PRKAR2A: variants seen among roughly 807,000 people sequenced by gnomAD.
The protein encoded by PRKAR2A is protein kinase cAMP-dependent type II regulatory subunit alpha, also known as cAMP-dependent protein kinase type II-alpha regulatory subunit.
A neutral mutation model predicts 51.9 loss-of-function variants in PRKAR2A; 29 were observed. That is an observed-to-expected ratio of 0.56 (90% confidence interval 0.42 to 0.76). The LOEUF is 0.76. Among genes scored for constraint, PRKAR2A ranks in the 30% least tolerant of loss-of-function variants. The probability of loss-of-function intolerance (pLI) is 0.00; values close to 1 mark genes in which losing one functional copy is unlikely to be tolerated. For synonymous variants in PRKAR2A, 178 were observed against 186.2 expected (o/e 0.96, Z 0.36); for missense variants, 445 against 512.1 (o/e 0.87, Z 1.26).
At chr3:48,796,763 TAC>T (rs1219041573) in intron 2 of PRKAR2A, among the ~76,000 whole-genome samples, 1 of 151,908 alleles carries the variant, frequency 6.6e-6, no homozygotes, top group Non-Finnish European at 1.5e-5. Flanking sequence ...GTGTTGAGAT[TAC>T]AGACGTGAGC....
At chr3:48,798,228 C>A (rs980195267) in intron 2 of PRKAR2A, among the ~76,000 whole-genome samples, 3 of 152,116 alleles carry the variant, frequency 2.0e-5, no homozygotes, top group African/African-American at 7.2e-5. Flanking sequence ...GCTGGGATTA[C>A]AAGTGTGAGC....
At chr3:48,844,843 G>A (rs1325875925) in intron 1 of PRKAR2A, among the ~76,000 whole-genome samples, 4 of 122,698 alleles carry the variant, frequency 3.3e-5, no homozygotes, top group South Asian at 3.2e-4. Flanking sequence ...GTTGTGGGGT[G>A]GGGGGAGGGA....
At chr3:48,788,706 C>T (rs2082334645) in intron 4 of PRKAR2A, among the ~76,000 whole-genome samples, 1 of 152,090 alleles carries the variant, frequency 6.6e-6, no homozygotes, top group Admixed American at 6.6e-5. Context: ...TCCCTCCTTC[C>T]ACCATGTGAG....
At chr3:48,836,224 C>A (rs148291057) in intron 1 of PRKAR2A, among the ~76,000 whole-genome samples, 1 of 151,034 alleles carries the variant, frequency 6.6e-6, no homozygotes, top group African/African-American at 2.4e-5. Flanking sequence ...TCAAGACCAG[C>A]CTGACCAACA....
chr3:48,773,009 G>A lies in PRKAR2A; in HGVS notation c.642C>T (p.Asn214=), dbSNP rs755276978. ...CAACAATGGTAGCAGCTCTCGGGGT[G>A]TTGTACATCAGAGCTAGTTCTCCAA... ...GSFGELALMY[N]TPRAATIVAT... The change falls in exon 6 of 11, where the codon AAC becomes AAT. Residue 214 remains asparagine, a synonymous_variant. Transcript: ENST00000265563. The A allele has an allele frequency of 3.1e-6, 5 of 1,613,944 alleles. No homozygotes were observed. In the South Asian group the frequency reaches 4.4e-5, roughly 14 times the overall value.
rs183889421 is a variant in PRKAR2A, at chr3:48,831,073, C to T, written c.262+16262G>A. 2.8e-3 allele frequency among the ~76,000 whole-genome samples: 425 copies of T among 152,230 alleles called. 3 individuals are homozygous for T. The highest frequency in any genetic ancestry group is 9.5e-3 in the African/African-American group (395 of 41,534). On this transcript the variant is annotated intron_variant, in intron 1 of 10. Coordinates refer to ENST00000265563, the MANE Select transcript of PRKAR2A (RefSeq NM_004157.4). ...GCCACAGACCAATACTGGTCCATGG[C>T]CCAGGGGGTGGGGACCCGGGATGTA...
At chr3:48,752,043 T>C in intron 10 of PRKAR2A, 133 bp downstream of exon 10, 1 of 1,012,156 alleles carries the variant, frequency 9.9e-7, no homozygotes, top group Non-Finnish European at 1.4e-6. Flanking sequence ...CATTCATCCA[T>C]CTCTGGTTGG....
At chr3:48,770,916 T>C (rs2082020113) in intron 6 of PRKAR2A, among the ~76,000 whole-genome samples, 1 of 152,200 alleles carries the variant, frequency 6.6e-6, no homozygotes, top group African/African-American at 2.4e-5. Context: ...AGACTTGGTC[T>C]TAGAGATTAT....
In PRKAR2A at chr3:48,756,214, T is replaced by C. The variant is rs74629510; in HGVS notation, c.939+165A>G. ...TATGCTAAATCTATATCTAATCTAA[T>C]CTAAATATGCTAAATCTATACTAAA... On this transcript the variant is annotated intron_variant, in intron 9 of 10. Coordinates refer to ENST00000265563, the MANE Select transcript of PRKAR2A (RefSeq NM_004157.4). Among the ~76,000 whole-genome samples the C allele has an allele frequency of 4.3e-3, 662 of 152,336 alleles. 7 individuals are homozygous for C. Among genetic ancestry groups the C allele is most frequent in the African/African-American group, 0.015 (633 of 41,576 alleles).
At chr3:48,800,667 GCTTTT>G (rs1430632035) in intron 2 of PRKAR2A, among the ~76,000 whole-genome samples, 8 of 121,042 alleles carry the variant, frequency 6.6e-5, no homozygotes, top group African/African-American at 1.9e-4. Context: ...GGAAGGCATG[GCTTTT>G]CTTTTCTTTT....
At chr3:48,781,187 T>C (rs949440257) in intron 5 of PRKAR2A, among the ~76,000 whole-genome samples, 1 of 149,636 alleles carries the variant, frequency 6.7e-6, no homozygotes, top group African/African-American at 2.5e-5. Flanking sequence ...GGTTTCACCA[T>C]GTTGGCCAGG....
intron 1 of PRKAR2A, among the ~76,000 whole-genome samples, chr3:48,844,070 T>C (rs1274371527): frequency 2.7e-5 from 4 of 150,846 alleles, no homozygotes; most frequent in Non-Finnish European, 5.9e-5. Flanking sequence ...TGGGAGAAAA[T>C]TTTCGCAACC....
At chr3:48,757,969 T>C (rs1337640155) in intron 8 of PRKAR2A, among the ~76,000 whole-genome samples, 2 of 152,056 alleles carry the variant, frequency 1.3e-5, no homozygotes, top group Non-Finnish European at 2.9e-5. Flanking sequence ...GGCAGAAGAA[T>C]AGCTTGAACC....
chr3:48,820,346 G>C (rs1476770753), intron 1 of PRKAR2A, among the ~76,000 whole-genome samples: 1 of 152,194 alleles, frequency 6.6e-6, no homozygotes, highest in Non-Finnish European at 1.5e-5. Flanking sequence ...ACAAAAAAAT[G>C]AAGAAAGCTT....
intron 1 of PRKAR2A, among the ~76,000 whole-genome samples, chr3:48,819,941 CCTTGTGGGACTTCACT>C (rs1208173935): frequency 6.6e-6 from 1 of 152,188 alleles, no homozygotes; most frequent in African/African-American, 2.4e-5. Context: ...GATGTGAAGT[CCTTGTGGGACTTCACT>C]CCCAACTCTG....
Position 48,746,767 on chromosome 3 carries a change from T to C in PRKAR2A, c.*4818A>G, listed in dbSNP as rs1378055352. The C allele has an allele frequency of 1.3e-5, 2 of 152,190 alleles. No individual in the cohort carries two copies. Among genetic ancestry groups the C allele is most frequent in the East Asian group, 3.8e-4 (2 of 5,196 alleles). 9.4% of individuals were successfully genotyped at this position (152,190 alleles called of 1,614,324 possible). On this transcript the variant is annotated 3_prime_UTR_variant, in exon 11 of 11. Coordinates refer to ENST00000265563, the MANE Select transcript of PRKAR2A (RefSeq NM_004157.4). ...GTTTCAATCACTTATTCTTCTGAGA[T>C]TAAAATACAAGATTAAAACAGATTA...
intron 2 of PRKAR2A, among the ~76,000 whole-genome samples, chr3:48,804,334 A>G (rs1575905176): frequency 1.3e-5 from 2 of 152,124 alleles, no homozygotes; most frequent in East Asian, 3.9e-4. Context: ...GGTAGCGTGC[A>G]CCTGTGGTCC....
At chr3:48,755,686 C>A (rs2081749581) in intron 9 of PRKAR2A, among the ~76,000 whole-genome samples, 1 of 151,134 alleles carries the variant, frequency 6.6e-6, no homozygotes, top group Admixed American at 6.6e-5. Flanking sequence ...CGGTTCACTG[C>A]AGCCTCAATC....
At chr3:48,834,034 TAA>T (rs569678133) in intron 1 of PRKAR2A, among the ~76,000 whole-genome samples, 10 of 104,402 alleles carry the variant, frequency 9.6e-5, no homozygotes, top group African/African-American at 7.2e-5. Context: ...GACTCCGTCT[TAA>T]AAAAAAAAAA....
Sources: allele counts gnomAD v4.1 joint callset (sites outside exome capture counted in the v4.1 genomes callset), GRCh38; gene constraint gnomAD v4.1.1; transcripts MANE v1.5; gene names NCBI Gene and HGNC (gene_info 2026-07-23, HGNC 2026-07-21).